Variants in STAB2 observed in about 807,000 individuals in gnomAD.
STAB2 encodes the protein stabilin 2.
STAB2 carries 288 observed loss-of-function variants against 338.1 expected under a neutral mutation model. The observed-to-expected ratio is 0.85, with a 90% confidence interval of 0.77 to 0.94. The LOEUF (loss-of-function observed/expected upper bound fraction) is 0.94, where lower values mean the gene tolerates loss of function less well. Ranked by LOEUF, STAB2 falls within the 40% of genes least tolerant of loss-of-function variation. The pLI is 0.00. For missense variants in STAB2, 3,141 were observed against 3,210.1 expected, an observed-to-expected ratio of 0.98 and a Z score of 0.52; for synonymous variants, 1,202 against 1,193.3, an observed-to-expected ratio of 1.01 and a Z score of -0.15.
intron 6 of STAB2, 56 bp downstream of exon 6, chr12:103,631,749 G>A (rs1957466851): frequency 1.9e-6 from 3 of 1,550,638 alleles, no homozygotes; most frequent in Non-Finnish European, 2.7e-6. Flanking sequence ...ACAAATGTAT[G>A]CATTTCAATT....
intron 22 of STAB2, 149 bp downstream of exon 22, chr12:103,670,956 A>T (rs189659041): frequency 1.5e-6 from 1 of 670,316 alleles, no homozygotes; most frequent in East Asian, 2.8e-5. Context: ...TTGGTTCTCA[A>T]ACTGGAGCGT....
At chr12:103,670,453 G>T (rs1300948922) in intron 21 of STAB2, among the ~76,000 whole-genome samples, 1 of 152,152 alleles carries the variant, frequency 6.6e-6, no homozygotes, top group African/African-American at 2.4e-5. Context: ...AAGGTTCCCA[G>T]TTCAGCATTG....
In STAB2 at chr12:103,685,952, ACT is replaced by A. The variant is rs1877393778; in HGVS notation, c.2997+873_2997+874del. On this transcript the variant is annotated intron_variant, in intron 27 of 68. Coordinates refer to ENST00000388887, the MANE Select transcript of STAB2 (RefSeq NM_017564.10). ...CCTGGTCTCTGGTAGCCACGAATCC[ACT>A]CTCTGTCTTCATGAGATCCATGTTT... Among the ~76,000 whole-genome samples, 4 of 150,726 alleles carry A rather than the reference ACT, an allele frequency of 2.7e-5. No individual in the cohort carries two copies. The South Asian group carries it at 8.4e-4, about 32-fold the overall frequency.
At chr12:103,632,265 A>T (rs549537354) in intron 6 of STAB2, among the ~76,000 whole-genome samples, 1 of 152,364 alleles carries the variant, frequency 6.6e-6, no homozygotes, top group East Asian at 1.9e-4. Context: ...GGGAAGTTTA[A>T]TAGGGATAAT....
chr12:103,613,112 C>A (rs1271537172), intron 3 of STAB2, among the ~76,000 whole-genome samples: 2 of 152,190 alleles, frequency 1.3e-5, no homozygotes, highest in African/African-American at 4.8e-5. Context: ...GTGGTGCCTC[C>A]CAGTTAGGCT....
chr12:103,610,941 A>C (rs888840855), intron 3 of STAB2, among the ~76,000 whole-genome samples: 1 of 152,196 alleles, frequency 6.6e-6, no homozygotes, highest in Non-Finnish European at 1.5e-5. Context: ...TCATTTCATT[A>C]TGTACCCAGT....
chr12:103,633,191 A>G (rs1957491371), intron 6 of STAB2, among the ~76,000 whole-genome samples: 1 of 152,208 alleles, frequency 6.6e-6, no homozygotes, highest in African/African-American at 2.4e-5. Flanking sequence ...CCTTCTCAGT[A>G]AGGCAGGAGA....
At position 103,660,689 on chromosome 12, in the gene STAB2, G is replaced by T. The variant is rs1257423820; in HGVS notation, c.1795G>T (p.Val599Leu). ...TGTTCTCTTCTTATTGCAGCTTGAA[G>T]TGGCCACTCTCATCTCCACCCCTCA... ...YHIVPFTQLE[V>L]ATLISTPHIR... is the part of the protein sequence containing the mutation. The change falls in exon 17 of 69, where the codon GTG becomes TTG. Residue 599 changes from valine (V) to leucine (L), a missense_variant. Coordinates refer to ENST00000388887, the MANE Select transcript of STAB2 (RefSeq NM_017564.10). The T allele has an allele frequency of 1.9e-6, 3 of 1,613,930 alleles. No individual in the cohort carries two copies. The highest frequency in any genetic ancestry group is 2.5e-6 in the Non-Finnish European group (3 of 1,179,984).
At chr12:103,764,729 A>C (rs1298752973) in intron 68 of STAB2, among the ~76,000 whole-genome samples, 1 of 152,240 alleles carries the variant, frequency 6.6e-6, no homozygotes, top group Non-Finnish European at 1.5e-5. Context: ...TAAATGCAAT[A>C]GACTGAAAAA....
intron 44 of STAB2, among the ~76,000 whole-genome samples, chr12:103,719,926 C>T (rs1217291810): frequency 6.6e-6 from 1 of 152,192 alleles, no homozygotes; most frequent in East Asian, 1.9e-4. Context: ...AATCCCAACA[C>T]CTTGCTTTCC....
At chr12:103,607,458 A>G (rs1483807787) in intron 3 of STAB2, among the ~76,000 whole-genome samples, 2 of 144,348 alleles carry the variant, frequency 1.4e-5, no homozygotes, top group Non-Finnish European at 3.1e-5. Flanking sequence ...ACATATGTAT[A>G]CGTGTGCCAT....
chr12:103,655,163 C>T lies in STAB2; in HGVS notation c.1552-88C>T, dbSNP rs1874086705. Reference sequence around the variant, plus strand: ...ATAAATCCATACTGACACATAAACTCTGTCATCAGTCTTTAAATGTTAGAA... The same window carrying T: ...ATAAATCCATACTGACACATAAACTTTGTCATCAGTCTTTAAATGTTAGAA... On this transcript the variant is annotated intron_variant, in intron 13 of 68. Transcript: ENST00000388887. 5 of 1,242,846 alleles carry T rather than the reference C, an allele frequency of 4.0e-6. No homozygotes were observed. The South Asian group carries it at 6.7e-5, about 17-fold the overall frequency. 77.0% of individuals were successfully genotyped at this position (1,242,846 alleles called of 1,614,324 possible).
intron 30 of STAB2, 43 bp downstream of exon 30, chr12:103,690,581 C>A: frequency 2.0e-6 from 3 of 1,535,812 alleles, no homozygotes; most frequent in Admixed American, 1.8e-5. Flanking sequence ...AACATAACAG[C>A]TTTGTTTATA....
intron 33 of STAB2, among the ~76,000 whole-genome samples, chr12:103,697,288 G>C (rs1185985183): frequency 6.6e-6 from 1 of 152,224 alleles, no homozygotes; most frequent in Non-Finnish European, 1.5e-5. Context: ...TGAAGGCAGG[G>C]AGAGTGTCCT....
At chr12:103,732,879 C>T (rs1881744354) in intron 50 of STAB2, 127 bp from the exon 51 acceptor site, 2 of 1,090,434 alleles carry the variant, frequency 1.8e-6, no homozygotes, top group Non-Finnish European at 2.6e-6. Context: ...CTGCATCACC[C>T]TTGAACCATC....
chr12:103,747,020 A>G (rs1461535813), intron 58 of STAB2, among the ~76,000 whole-genome samples: 2 of 145,482 alleles, frequency 1.4e-5, no homozygotes, highest in Non-Finnish European at 3.0e-5. Flanking sequence ...GCAATGGTGC[A>G]ATCTTGGCTC....
Position 103,726,114 on chromosome 12 carries a change from A to C in STAB2, c.4804-2A>C. On this transcript the variant is annotated splice_acceptor_variant, in intron 45 of 68. Transcript: ENST00000388887. LOFTEE classifies it high-confidence loss of function. ...TTAAGTGAAACTACTCTTTGTTTGC[A>C]GGAGCTTCCCAAGAACCCGAAAACT... 6.2e-7 allele frequency: 1 copy of C among 1,613,950 alleles called. No homozygotes were observed. Among genetic ancestry groups the C allele is most frequent in the Non-Finnish European group, 8.5e-7 (1 of 1,179,834 alleles).
At chr12:103,746,759 G>T in intron 58 of STAB2, 55 bp downstream of exon 58, 2 of 1,571,172 alleles carry the variant, frequency 1.3e-6, no homozygotes, top group South Asian at 2.2e-5. Context: ...AGAGGAGCAG[G>T]ACTTGCTCAC....
chr12:103,717,748 A>G (rs1245815753), intron 43 of STAB2, 22 bp from the exon 44 acceptor site: 13 of 1,613,700 alleles, frequency 8.1e-6, no homozygotes, highest in Non-Finnish European at 1.1e-5. Context: ...AAATGACCCC[A>G]TGTGCTTCTA....
Sources: allele counts gnomAD v4.1 joint callset (sites outside exome capture counted in the v4.1 genomes callset), GRCh38; gene constraint gnomAD v4.1.1; transcripts MANE v1.5; gene names NCBI Gene and HGNC (gene_info 2026-07-23, HGNC 2026-07-21).